GGT1: variants seen among roughly 807,000 people sequenced by gnomAD.
GGT1 encodes gamma-glutamyltransferase 1, also known as glutathione hydrolase 1 proenzyme.
A neutral mutation model predicts 56.0 loss-of-function variants in GGT1; 21 were observed. The observed-to-expected ratio is 0.38, with a 90% confidence interval of 0.27 to 0.54. GGT1 has a LOEUF of 0.54. Among genes scored for constraint, GGT1 ranks in the 20% least tolerant of loss-of-function variants. The pLI, the probability that GGT1 is intolerant of heterozygous loss-of-function variation, is 0.82. For missense variants in GGT1, 466 were observed against 787.0 expected (o/e 0.59, Z 4.88); for synonymous variants, 238 against 342.6 (o/e 0.69, Z 3.37).
upstream of GGT1, among the ~76,000 whole-genome samples, chr22:24,600,529 A>G (rs2045765575): frequency 6.6e-6 from 1 of 152,234 alleles, no homozygotes; most frequent in Non-Finnish European, 1.5e-5. Flanking sequence ...GCACTTGGCC[A>G]TGCTTCAGTC....
chr22:24,618,522 C>T (rs1259668333), intron 7 of GGT1, among the ~76,000 whole-genome samples: 1 of 152,256 alleles, frequency 6.6e-6, no homozygotes, highest in African/African-American at 2.4e-5. Context: ...ACCTGGGAGG[C>T]GGAGGTTGTA....
the GGT1 span, chr22:24,589,639 C>T: frequency 2.0e-5 from 14 of 710,242 alleles, no homozygotes; most frequent in Non-Finnish European, 3.1e-5. Flanking sequence ...CACACTTGCT[C>T]TAGCTGGTGG....
intron 9 of GGT1, among the ~76,000 whole-genome samples, chr22:24,622,002 A>G (rs1168173192): frequency 6.7e-6 from 1 of 149,232 alleles, no homozygotes; most frequent in Non-Finnish European, 1.5e-5. Context: ...GTGAGCCGAG[A>G]TTGCACCACT....
chr22:24,600,496 G>A (rs568820901), upstream of GGT1, among the ~76,000 whole-genome samples: 2 of 152,346 alleles, frequency 1.3e-5, no homozygotes, highest in African/African-American at 4.8e-5. Flanking sequence ...GCATTCACAA[G>A]CTGACAATTC....
chr22:24,586,360 G>A, the GGT1 span: 7 of 1,613,774 alleles, frequency 4.3e-6, no homozygotes, highest in African/African-American at 8.0e-5. Context: ...GGATGCCTGA[G>A]AGGTCCACAG....
At chr22:24,607,777 C>T in intron 1 of GGT1, 177 bp from the exon 2 acceptor site, 1 of 340,182 alleles carries the variant, frequency 2.9e-6, no homozygotes, top group South Asian at 2.2e-5. Flanking sequence ...TTCCCTGCCT[C>T]TGCTCCTCCT....
the GGT1 span, among the ~76,000 whole-genome samples, chr22:24,587,116 A>G: frequency 6.6e-6 from 1 of 152,054 alleles, no homozygotes; most frequent in African/African-American, 2.4e-5. Context: ...TTGAGCCCAC[A>G]TGTTTTTTTC....
At chr22:24,589,704 C>T in the GGT1 span, 8 of 1,231,642 alleles carry the variant, frequency 6.5e-6, no homozygotes, top group African/African-American at 1.2e-4. Context: ...AGTGACTTGC[C>T]TAAGGCCACA....
chr22:24,592,715 G>A (rs1418209853), upstream of GGT1: 37 of 1,294,162 alleles, frequency 2.9e-5, no homozygotes, highest in Non-Finnish European at 3.5e-5. Flanking sequence ...TCGCGCCCTC[G>A]GAACCCGCCT....
chr22:24,588,767 G>A, the GGT1 span: 7 of 1,028,604 alleles, frequency 6.8e-6, no homozygotes, highest in South Asian at 3.9e-5. Context: ...CCAGGTCAGC[G>A]TGTTCTTCTT....
chr22:24,589,119 C>T, the GGT1 span: 1 of 1,121,426 alleles, frequency 8.9e-7, no homozygotes, highest in Non-Finnish European at 1.1e-6. Context: ...GCTGGCAGGG[C>T]CCAGAGCGGA....
the GGT1 span, among the ~76,000 whole-genome samples, chr22:24,587,297 G>C: frequency 2.6e-5 from 4 of 152,162 alleles, no homozygotes; most frequent in South Asian, 8.3e-4. Context: ...AGGGCTCCCC[G>C]TGTTTTCTCA....
upstream of GGT1, chr22:24,592,224 G>A: frequency 4.4e-6 from 2 of 453,230 alleles, no homozygotes; most frequent in Non-Finnish European, 4.5e-6. Context: ...TACCTGGTGT[G>A]TGTAGGAGCA....
upstream of GGT1, among the ~76,000 whole-genome samples, chr22:24,600,135 C>T (rs1269308636): frequency 6.6e-6 from 1 of 152,176 alleles, no homozygotes; most frequent in South Asian, 2.1e-4. Context: ...AGGAGGGGGG[C>T]CCTTTGGGCC....
At chr22:24,626,829 T>C (rs1012553855) in intron 11 of GGT1, among the ~76,000 whole-genome samples, 2 of 151,248 alleles carry the variant, frequency 1.3e-5, no homozygotes, top group Non-Finnish European at 2.9e-5. Context: ...TCCTGTGGGA[T>C]GGGCCCCAGC....
At chr22:24,592,785 G>A (rs1601601591), upstream of GGT1, 4 of 1,272,406 alleles carry the variant, frequency 3.1e-6, no homozygotes, top group African/African-American at 3.2e-5. Flanking sequence ...ACAACCCATA[G>A]CCCCGCGCCT....
At chr22:24,623,437 G>A (rs2047555259) in intron 10 of GGT1, among the ~76,000 whole-genome samples, 181 bp downstream of exon 10, 1 of 151,790 alleles carries the variant, frequency 6.6e-6, no homozygotes, top group South Asian at 2.1e-4. Context: ...AGAGCGACAG[G>A]GCTGAAGCGG....
Position 24,628,569 on chromosome 22 carries a change from A to G in GGT1, c.1564-124A>G. 4.6e-6 allele frequency: 5 copies of G among 1,083,230 alleles called. No homozygotes were observed. In the South Asian group the frequency reaches 7.4e-5, roughly 16 times the overall value. The allele number at this position is 1,083,230 out of a possible 1,614,324, so 67.1% of individuals were successfully genotyped here. ...CTCCAGTGAGACCCAGCAGGCCCCA[A>G]CCTGCTCTTCCTGATGACCTGGCCC... On this transcript the variant is annotated intron_variant, in intron 15 of 15. Coordinates refer to ENST00000400382, the MANE Select transcript of GGT1 (RefSeq NM_001288833.2). The surrounding 1 kb of genome is among the most constrained non-coding windows in gnomAD (Gnocchi z 5.7).
intron 9 of GGT1, among the ~76,000 whole-genome samples, chr22:24,621,987 T>C (rs1216847082): frequency 6.7e-6 from 1 of 149,902 alleles, no homozygotes; most frequent in Non-Finnish European, 1.5e-5. Flanking sequence ...GGGGCTGAGG[T>C]TGCAGTGAGC....
Sources: allele counts gnomAD v4.1 joint callset (sites outside exome capture counted in the v4.1 genomes callset), GRCh38; gene constraint gnomAD v4.1.1; non-coding constraint Gnocchi (gnomAD v3.1); transcripts MANE v1.5; gene names NCBI Gene and HGNC (gene_info 2026-07-23, HGNC 2026-07-21).